PTPRT: variants seen among roughly 807,000 people sequenced by gnomAD.
PTPRT encodes receptor-type tyrosine-protein phosphatase T.
Under a neutral mutation model 176.8 loss-of-function variants are expected in PTPRT, and 56 were observed. That is an observed-to-expected ratio of 0.32 (90% CI 0.26 to 0.40). The LOEUF (loss-of-function observed/expected upper bound fraction) is 0.40, where lower values mean the gene tolerates loss of function less well. Among genes scored for constraint, PTPRT ranks in the 10% least tolerant of loss-of-function variants. PTPRT has a pLI of 1.00. For missense variants in PTPRT, 1,540 were observed against 1,908.2 expected (o/e 0.81, Z 3.60); for synonymous variants, 783 against 739.0 (o/e 1.06, Z -0.96).
rs779663880 is a variant in PTPRT at position 42,098,471 on chromosome 20, C to T, written c.3796G>A (p.Asp1266Asn). The change falls in exon 27 of 31, where the codon GAT becomes AAT. Residue 1266 changes from aspartate (D) to asparagine (N), a missense_variant. Physicochemically the swap from Asp to Asn is conservative, Grantham distance 23. This residue lies in a region of PTPRT where 342 missense variants were observed against 394.0 expected (regional missense o/e 0.87). Transcript: ENST00000373187. Reference protein sequence around the residue: ...TVADFWRLVFDYNCSSVVMLN... With the variant: ...TVADFWRLVFNYNCSSVVMLN... ...ATCACCACAGAGGAGCAGTTGTAAT[C>T]GAACACCAGCCTCCAGAAGTCTGCC... is the stretch of plus-strand genomic sequence containing the variant. 5.6e-6 allele frequency: 9 copies of T among 1,614,040 alleles called. No homozygotes were observed. The African/African-American group carries it at 6.7e-5, about 12-fold the overall frequency.
intron 26 of PTPRT, 121 bp from the exon 27 acceptor site, chr20:42,098,673 C>T: frequency 7.7e-7 from 1 of 1,306,676 alleles, no homozygotes; most frequent in Non-Finnish European, 1.0e-6. Flanking sequence ...TACAAAACAC[C>T]TGCCTGTTCT....
intron 1 of PTPRT, among the ~76,000 whole-genome samples, chr20:43,099,267 T>C (rs1367624452): frequency 6.6e-6 from 1 of 152,196 alleles, no homozygotes; most frequent in African/African-American, 2.4e-5. Flanking sequence ...ACAAAATAAT[T>C]TCAGATCCAC....
chr20:43,115,820 C>G (rs1415142109), intron 1 of PTPRT, among the ~76,000 whole-genome samples: 1 of 152,214 alleles, frequency 6.6e-6, no homozygotes, highest in African/African-American at 2.4e-5. Flanking sequence ...AACAATCAAT[C>G]AGTGAGCTCT....
At chr20:42,776,731 A>ATATATGATATGCT (rs2077141683) in intron 4 of PTPRT, among the ~76,000 whole-genome samples, 1 of 148,440 alleles carries the variant, frequency 6.7e-6, no homozygotes, top group African/African-American at 2.5e-5. Flanking sequence ...TCATATAATT[A>ATATATGATATGCT]TATATGATAT....
At chr20:42,173,928 C>T (rs1484692736) in intron 16 of PTPRT, among the ~76,000 whole-genome samples, 1 of 152,070 alleles carries the variant, frequency 6.6e-6, no homozygotes, top group African/African-American at 2.4e-5. Context: ...TGAACTTTGA[C>T]CGGTAGAAGA....
intron 1 of PTPRT, among the ~76,000 whole-genome samples, chr20:43,164,760 A>C (rs2014809092): frequency 6.6e-6 from 1 of 152,268 alleles, no homozygotes; most frequent in Non-Finnish European, 1.5e-5. Flanking sequence ...CTCTGCTCCA[A>C]TATAACATTT....
intron 22 of PTPRT, among the ~76,000 whole-genome samples, chr20:42,111,698 A>G (rs1987005830): frequency 6.6e-6 from 1 of 152,224 alleles, no homozygotes; most frequent in African/African-American, 2.4e-5. Context: ...TCTCCATTTG[A>G]TGGATCAGGA....
At chr20:42,984,517 C>T (rs1279982855) in intron 1 of PTPRT, among the ~76,000 whole-genome samples, 1 of 152,180 alleles carries the variant, frequency 6.6e-6, no homozygotes, top group Non-Finnish European at 1.5e-5. Context: ...TCCAAATCAG[C>T]ACACAGAAGT....
At chr20:42,874,925 G>A (rs572931866) in intron 2 of PTPRT, among the ~76,000 whole-genome samples, 27 of 151,852 alleles carry the variant, frequency 1.8e-4, no homozygotes, top group Non-Finnish European at 3.1e-4. Context: ...TTTTGCTTTC[G>A]TTGCTCAGGC....
chr20:42,610,756 A>G (rs1267584669), intron 7 of PTPRT, among the ~76,000 whole-genome samples: 1 of 152,238 alleles, frequency 6.6e-6, no homozygotes, highest in African/African-American at 2.4e-5. Context: ...GCAGTGAATT[A>G]TCGTATATTC....
intron 1 of PTPRT, among the ~76,000 whole-genome samples, chr20:43,099,108 G>C (rs922408295): frequency 2.0e-5 from 3 of 150,868 alleles, no homozygotes; most frequent in African/African-American, 7.3e-5. Context: ...CCACCCCCAA[G>C]ACACACACAC....
At position 42,076,593 on chromosome 20, in the gene PTPRT, GATCTTGAGCCTATA is replaced by G. The variant is rs1326575504; in HGVS notation, c.*4272_*4285del. 1.5e-5 allele frequency: 3 copies of G among 195,950 alleles called. No individual in the cohort carries two copies. The East Asian group carries it at 2.4e-4, about 16-fold the overall frequency. The allele number at this position is 195,950 out of a possible 1,614,324, so 12.1% of individuals were successfully genotyped here. ...GCCTAGGAGAAGGTCAGTTGGTCTTGATCTTGAGCCTATAACTGGCTCTGGGAGGCAGCAGGGTC... is the reference window on the plus strand; with the variant it reads ...GCCTAGGAGAAGGTCAGTTGGTCTTGACTGGCTCTGGGAGGCAGCAGGGTC... On this transcript the variant is annotated 3_prime_UTR_variant, in exon 31 of 31. Coordinates refer to ENST00000373187, the MANE Select transcript of PTPRT (RefSeq NM_007050.6).
intron 1 of PTPRT, among the ~76,000 whole-genome samples, chr20:43,088,472 G>A (rs1443274227): frequency 6.6e-6 from 1 of 151,942 alleles, no homozygotes; most frequent in Non-Finnish European, 1.5e-5. Context: ...AATATTTACT[G>A]AGTGCCCTGT....
intron 1 of PTPRT, among the ~76,000 whole-genome samples, chr20:43,143,311 A>C (rs2014075215): frequency 6.6e-6 from 1 of 152,230 alleles, no homozygotes; most frequent in Admixed American, 6.5e-5. Flanking sequence ...TGATCTAATA[A>C]AAATTCAACA....
In PTPRT at chr20:42,248,707, C is replaced by A. The variant is rs1276786472; in HGVS notation, c.2292G>T (p.Val764=). Residue 764 remains valine (V), a synonymous_variant, in exon 14 of 31, where the codon GTG becomes GTT. Transcript: ENST00000373187. ...LLMFIIILLG[V]MLTIKRRRNA... ...CTCACCTCCTTTTGATGGTGAGCATCACGCCCAGGAGAATGATGATGAACA... is the reference window on the plus strand; with the variant it reads ...CTCACCTCCTTTTGATGGTGAGCATAACGCCCAGGAGAATGATGATGAACA... The A allele has an allele frequency of 6.2e-7, 1 of 1,613,984 alleles. No homozygotes were observed. Among genetic ancestry groups the A allele is most frequent in the Non-Finnish European group, 8.5e-7 (1 of 1,179,914 alleles).
At chr20:42,626,151 T>C (rs1182157980) in intron 7 of PTPRT, among the ~76,000 whole-genome samples, 1 of 152,076 alleles carries the variant, frequency 6.6e-6, no homozygotes, top group African/African-American at 2.4e-5. Context: ...AAAAGTCAAA[T>C]TACTTGTATA....
At chr20:42,159,158 A>T (rs1305140034) in intron 17 of PTPRT, among the ~76,000 whole-genome samples, 22 of 137,148 alleles carry the variant, frequency 1.6e-4, no homozygotes, top group African/African-American at 3.3e-4. Context: ...TGAAATTTTT[A>T]ATCAAATTGT....
chr20:42,471,350 G>A (rs2071192404), intron 8 of PTPRT, among the ~76,000 whole-genome samples: 2 of 152,188 alleles, frequency 1.3e-5, no homozygotes, highest in East Asian at 1.9e-4. Flanking sequence ...TGCTGGAGGT[G>A]TGATTGGATC....
chr20:43,034,323 G>A (rs1986284267), intron 1 of PTPRT, among the ~76,000 whole-genome samples: 1 of 152,136 alleles, frequency 6.6e-6, no homozygotes, highest in East Asian at 1.9e-4. Flanking sequence ...GCATCTTGTA[G>A]AGGCAGGGAT....
Sources: gnomAD v4.1 joint callset for allele counts (sites outside exome capture counted in the v4.1 genomes callset) on GRCh38, gnomAD v4.1.1 for gene constraint, gnomAD v4.1.1 regional missense constraint, MANE v1.5 for transcripts, NCBI Gene and HGNC (gene_info 2026-07-23, HGNC 2026-07-21) for gene names.